The following METRNL variants were observed in gnomAD, a reference collection of about 807,000 sequenced individuals.
The protein encoded by METRNL is meteorin like, glial cell differentiation regulator, also known as meteorin-like protein.
In METRNL, 9 loss-of-function variants were observed where a neutral mutation model predicts 17.4. The ratio of observed to expected loss-of-function variants is 0.52; its 90% confidence interval spans 0.31 to 0.90. The LOEUF is 0.90. METRNL is among the 40% of genes least tolerant of loss of function. The pLI, the probability that METRNL is intolerant of heterozygous loss-of-function variation, is 0.05. For missense variants in METRNL, 408 were observed against 430.7 expected, an observed-to-expected ratio of 0.95 and a Z score of 0.47; for synonymous variants, 215 against 199.3, an observed-to-expected ratio of 1.08 and a Z score of -0.66.
At chr17:83,091,142 C>T (rs2038130157) in intron 2 of METRNL, among the ~76,000 whole-genome samples, 2 of 152,252 alleles carry the variant, frequency 1.3e-5, no homozygotes, top group South Asian at 4.1e-4. Context: ...GCTGGGATGG[C>T]AGAGGTGCCC....
In METRNL at chr17:83,094,870, G is replaced by C. The variant is rs913122991; in HGVS notation, c.*295G>C. ...AAATTCCCGTGTCTTAAAACGCCTT[G>C]GTGTGCCGTCTGATACTGTTCTCTA... On this transcript the variant is annotated 3_prime_UTR_variant, in exon 4 of 4. Coordinates refer to ENST00000320095, the MANE Select transcript of METRNL (RefSeq NM_001004431.3). The C allele has an allele frequency of 3.0e-6, 1 of 328,274 alleles. No homozygotes were observed. Among genetic ancestry groups the C allele is most frequent in the Non-Finnish European group, 5.5e-6 (1 of 181,528 alleles). 20.3% of individuals were successfully genotyped at this position (328,274 alleles called of 1,614,324 possible). A position where few individuals can be genotyped will look rare whatever the true frequency, so the allele number is the denominator to read the frequency against.
intron 2 of METRNL, among the ~76,000 whole-genome samples, chr17:83,091,539 C>G (rs1207866006): frequency 6.6e-6 from 1 of 152,244 alleles, no homozygotes; most frequent in Non-Finnish European, 1.5e-5. Context: ...CTCTGAGCAG[C>G]TGTCCCCGCC....
In METRNL at chr17:83,085,173, G is replaced by A. The variant is rs146977978; in HGVS notation, c.406G>A (p.Gly136Ser). Residue 136 changes from glycine (G) to serine (S), a missense_variant, in exon 2 of 4, where the codon GGC (glycine) becomes AGC (serine). By Grantham distance (56) the Gly-to-Ser change is moderately conservative (BLOSUM62 0). Transcript: ENST00000320095. ...ELRLLVPDGD[G>S]RPGRVQCFGL... Reference sequence around the variant, plus strand: ...GAGACTGCTGGTACCAGACGGGGACGGCAGGCCCGGCCGGGTGCAGTGTTT... The same window carrying A: ...GAGACTGCTGGTACCAGACGGGGACAGCAGGCCCGGCCGGGTGCAGTGTTT... The A allele has an allele frequency of 1.2e-5, 19 of 1,612,034 alleles. No homozygotes were observed. Among genetic ancestry groups the A allele is most frequent in the Middle Eastern group, 1.6e-4 (1 of 6,078 alleles).
At chr17:83,086,597 G>A (rs868317644) in intron 2 of METRNL, among the ~76,000 whole-genome samples, 6 of 152,188 alleles carry the variant, frequency 3.9e-5, no homozygotes, top group African/African-American at 9.7e-5. Flanking sequence ...CTTTCTAACC[G>A]GAGGTAGAAG....
At chr17:83,088,576 G>C (rs945625762) in intron 2 of METRNL, among the ~76,000 whole-genome samples, 1 of 152,178 alleles carries the variant, frequency 6.6e-6, no homozygotes, top group African/African-American at 2.4e-5. Context: ...GCCCAGGGCC[G>C]GGCAGCAGCA....
intron 1 of METRNL, among the ~76,000 whole-genome samples, chr17:83,082,892 C>A (rs1158855212): frequency 6.6e-6 from 1 of 152,210 alleles, no homozygotes; most frequent in African/African-American, 2.4e-5. Flanking sequence ...GTGAAAATCC[C>A]TACGTCAGCG....
intron 2 of METRNL, among the ~76,000 whole-genome samples, chr17:83,087,524 A>G (rs2038065671): frequency 6.6e-6 from 1 of 152,126 alleles, no homozygotes; most frequent in African/African-American, 2.4e-5. Context: ...GAGGAGGCTG[A>G]TACCTCTCCT....
chr17:83,081,508 C>T (rs890947329), intron 1 of METRNL, among the ~76,000 whole-genome samples: 1 of 152,144 alleles, frequency 6.6e-6, no homozygotes, highest in Non-Finnish European at 1.5e-5. Flanking sequence ...GGGGAGGCCA[C>T]CCCTCCACCT....
At chr17:83,084,844 T>G in intron 1 of METRNL, 94 bp from the exon 2 acceptor site, 1 of 1,478,314 alleles carries the variant, frequency 6.8e-7, no homozygotes, top group Non-Finnish European at 9.1e-7. Context: ...CGCCATCATT[T>G]GGAGCGGGTA....
chr17:83,081,691 C>T (rs946766145), intron 1 of METRNL, among the ~76,000 whole-genome samples: 1 of 152,136 alleles, frequency 6.6e-6, no homozygotes, highest in African/African-American at 2.4e-5. Context: ...GGGGACCCCC[C>T]CCAACACACA....
chr17:83,090,706 C>G (rs1278062168), intron 2 of METRNL, among the ~76,000 whole-genome samples: 1 of 151,472 alleles, frequency 6.6e-6, no homozygotes, highest in Non-Finnish European at 1.5e-5. Flanking sequence ...TCTCTCTCAG[C>G]CGAGGCCACC....
chr17:83,094,182 C>A (rs1568340896), intron 3 of METRNL, 74 bp from the exon 4 acceptor site: 2 of 1,274,572 alleles, frequency 1.6e-6, no homozygotes, highest in Non-Finnish European at 1.1e-6. Context: ...GATGCGGGGG[C>A]AGGGGGAGGT....
At chr17:83,086,220 C>T (rs141593024) in intron 2 of METRNL, among the ~76,000 whole-genome samples, 93 of 152,306 alleles carry the variant, frequency 6.1e-4, no homozygotes, top group Admixed American at 2.4e-3. Context: ...TTTTTGTGTT[C>T]TATGTTCTTG....
At position 83,081,135 on chromosome 17, in the gene METRNL, C is replaced by T. The variant is rs577358729; in HGVS notation, c.170+1150C>T. Among the ~76,000 whole-genome samples the T allele has an allele frequency of 1.8e-3, 280 of 151,894 alleles. 2 individuals are homozygous for T. The highest frequency in any genetic ancestry group is 2.3e-3 in the Non-Finnish European group (156 of 67,876). On this transcript the variant is annotated intron_variant, in intron 1 of 3. Coordinates refer to ENST00000320095, the MANE Select transcript of METRNL (RefSeq NM_001004431.3). ...GGGCGGTGCCCGGCTGTCCCGGGAG[C>T]GGCCGCCTCCCTTCTCGGCCGAGCG...
At chr17:83,087,853 A>C (rs1453460838) in intron 2 of METRNL, among the ~76,000 whole-genome samples, 1 of 152,060 alleles carries the variant, frequency 6.6e-6, no homozygotes, top group Non-Finnish European at 1.5e-5. Context: ...GTGTGTCAGA[A>C]GTTCCAGTTT....
intron 2 of METRNL, among the ~76,000 whole-genome samples, chr17:83,090,732 C>T (rs925750547): frequency 1.9e-4 from 29 of 151,552 alleles, no homozygotes; most frequent in Admixed American, 9.2e-4. Context: ...TCACATGAGG[C>T]GCCCTGGGCT....
intron 3 of METRNL, 39 bp from the exon 4 acceptor site, chr17:83,094,217 C>A: frequency 4.0e-6 from 6 of 1,511,722 alleles, no homozygotes; most frequent in Non-Finnish European, 5.4e-6. Flanking sequence ...GTGTGCTTGC[C>A]TTTGCTCACT....
chr17:83,084,673 A>G, intron 1 of METRNL: 1 of 531,766 alleles, frequency 1.9e-6, no homozygotes, highest in South Asian at 2.7e-5. Context: ...CACCGCCTGC[A>G]CTCCCGGGAG....
chr17:83,089,567 G>A (rs1006190929), intron 2 of METRNL, among the ~76,000 whole-genome samples: 3 of 151,410 alleles, frequency 2.0e-5, no homozygotes, highest in African/African-American at 7.3e-5. Flanking sequence ...TAGCTCCTGA[G>A]AGACCTGCCT....
Sources: allele counts gnomAD v4.1 joint callset (sites outside exome capture counted in the v4.1 genomes callset), GRCh38; gene constraint gnomAD v4.1.1; transcripts MANE v1.5; gene names NCBI Gene and HGNC (gene_info 2026-07-23, HGNC 2026-07-21).